The following TMEM8B variants were observed in gnomAD, a reference collection of about 807,000 sequenced individuals.
TMEM8B encodes transmembrane protein 8B, also known as nasopharyngeal carcinoma expressed 6.
TMEM8B carries 29 observed loss-of-function variants against 49.3 expected under a neutral mutation model. The ratio of observed to expected loss-of-function variants is 0.59; its 90% confidence interval spans 0.44 to 0.80. The LOEUF (loss-of-function observed/expected upper bound fraction) is 0.80, where lower values mean the gene tolerates loss of function less well. Among genes scored for constraint, TMEM8B ranks in the 30% least tolerant of loss-of-function variants. The pLI, the probability that TMEM8B is intolerant of heterozygous loss-of-function variation, is 0.00. For synonymous variants in TMEM8B, 264 were observed against 272.8 expected (o/e 0.97, Z 0.32); for missense variants, 575 against 658.5 (o/e 0.87, Z 1.39).
At chr9:35,833,210 T>G (rs970534166) in intron 1 of TMEM8B, 5 of 495,446 alleles carry the variant, frequency 1.0e-5, no homozygotes, top group Non-Finnish European at 1.3e-5. Context: ...GAGAGGGAGA[T>G]GATTGGACTA....
rs746477078 is a variant in TMEM8B at position 35,859,944 on chromosome 9, C to G, written c.*6104C>G. 1 of 152,938 alleles carries G rather than the reference C, an allele frequency of 6.5e-6. No individual in the cohort carries two copies. The highest frequency in any genetic ancestry group is 2.1e-4 in the South Asian group (1 of 4,832). 9.5% of individuals were successfully genotyped at this position (152,938 alleles called of 1,614,324 possible). A position where few individuals can be genotyped will look rare whatever the true frequency, so the allele number is the denominator to read the frequency against. On this transcript the variant is annotated 3_prime_UTR_variant, in exon 13 of 13. Transcript: ENST00000643932. ...CAGTGCTCGTGTAGCCCCATCAGGACGTATTCCGTCACAGCTGTCTGGTTT... is the reference window on the plus strand; with the variant it reads ...CAGTGCTCGTGTAGCCCCATCAGGAGGTATTCCGTCACAGCTGTCTGGTTT...
At position 35,838,883 on chromosome 9, in the gene TMEM8B, G is replaced by C. The variant is rs576894795; in HGVS notation, c.907-2251G>C. Among the ~76,000 whole-genome samples the C allele has an allele frequency of 2.3e-3, 357 of 152,298 alleles. 3 individuals carry two copies. Among genetic ancestry groups the C allele is most frequent in the African/African-American group, 8.1e-3 (338 of 41,548 alleles). On this transcript the variant is annotated intron_variant, in intron 3 of 12. Transcript: ENST00000643932. ...AAAAAGTCTTGTTGACGCTACTTCT[G>C]AGGCATGCCCTGAAGGCTTCTCCAG...
chr9:35,838,419 T>C (rs1830650872), intron 3 of TMEM8B, among the ~76,000 whole-genome samples: 1 of 151,904 alleles, frequency 6.6e-6, no homozygotes, highest in East Asian at 1.9e-4. Flanking sequence ...TTTCCTGGCC[T>C]CTCCTCTGCT....
At position 35,846,932 on chromosome 9, in the gene TMEM8B, G is replaced by T. The variant is rs1192354030; in HGVS notation, c.2112G>T (p.Leu704=). The change falls in exon 10 of 13, where the codon CTG becomes CTT. Residue 704 remains leucine, a synonymous_variant. Coordinates refer to ENST00000643932, the MANE Select transcript of TMEM8B (RefSeq NM_001042590.4). Reference sequence around the variant, plus strand: ...TCATGTTTCTGCCACCTGTGGTCCTGGCCATTCGGAGTCGATATGTGCTGG... The same window carrying T: ...TCATGTTTCTGCCACCTGTGGTCCTTGCCATTCGGAGTCGATATGTGCTGG... ...SNLMFLPPVV[L]AIRSRYVLEA... 5.6e-6 allele frequency: 9 copies of T among 1,614,216 alleles called. No individual in the cohort carries two copies. The highest frequency in any genetic ancestry group is 7.6e-6 in the Non-Finnish European group (9 of 1,180,042).
At position 35,845,493 on chromosome 9, in the gene TMEM8B, G is replaced by T. The variant is rs1298505841; in HGVS notation, c.1636-482G>T. 3.0e-6 allele frequency: 3 copies of T among 985,238 alleles called. No homozygotes were observed. The African/African-American group carries it at 5.2e-5, about 17-fold the overall frequency. The allele number at this position is 985,238 out of a possible 1,614,324, so 61.0% of individuals were successfully genotyped here. Reference sequence around the variant, plus strand: ...CAGGTTGCTACATTTAATCTCTTGGGCATTCTGTTACCACTGTTCAGTACC... The same window carrying T: ...CAGGTTGCTACATTTAATCTCTTGGTCATTCTGTTACCACTGTTCAGTACC... On this transcript the variant is annotated intron_variant, in intron 6 of 12. Coordinates refer to ENST00000643932, the MANE Select transcript of TMEM8B (RefSeq NM_001042590.4).
intron 1 of TMEM8B, among the ~76,000 whole-genome samples, chr9:35,831,251 G>A (rs942821781): frequency 6.6e-6 from 1 of 152,108 alleles, no homozygotes; most frequent in Non-Finnish European, 1.5e-5. Context: ...TGTGTGTGGG[G>A]TGCATGTGAG....
In TMEM8B at chr9:35,853,162, A is replaced by G. The variant is rs1472281022; in HGVS notation, c.2344A>G (p.Met782Val). Residue 782 changes from methionine (M) to valine (V), a missense_variant, in exon 12 of 13, where the codon ATG becomes GTG. Transcript: ENST00000643932. This position sits in a 1 kb window ranked among gnomAD's most constrained non-coding sequence, Gnocchi z 4.2. ...VKQVLYLLGA[M>V]LLSMALQLDR... ...CTAGGTGCTGTATTTGCTGGGAGCTATGCTGCTGTCCATGGCTCTGCAGCT... is the reference window on the plus strand; with the variant it reads ...CTAGGTGCTGTATTTGCTGGGAGCTGTGCTGCTGTCCATGGCTCTGCAGCT... 2 of 1,614,084 alleles carry G rather than the reference A, an allele frequency of 1.2e-6. No individual in the cohort carries two copies. The highest frequency in any genetic ancestry group is 1.7e-6 in the Non-Finnish European group (2 of 1,179,952).
Position 35,852,880 on chromosome 9 carries a change from C to T in TMEM8B, c.2229C>T (p.Tyr743=), listed in dbSNP as rs367842425. The T allele has an allele frequency of 4.0e-5, 64 of 1,614,060 alleles. No homozygotes were observed. The highest frequency in any genetic ancestry group is 8.3e-5 in the Admixed American group (5 of 59,998). ...PGIVVFCIMD[Y]DVLQFCDFLG... The stretch of plus-strand genomic sequence containing the variant: ...TCGTGGTTTTCTGCATCATGGACTA[C>T]GATGTGCTGCAGTTCTGTGATTTCC... The change falls in exon 11 of 13, where the codon TAC becomes TAT. Residue 743 remains tyrosine (Y), a synonymous_variant. Transcript: ENST00000643932.
Position 35,853,467 on chromosome 9 carries a change from C to A in TMEM8B, c.2440-38C>A. The A allele has an allele frequency of 6.3e-7, 1 of 1,585,260 alleles. No individual in the cohort carries two copies. The highest frequency in any genetic ancestry group is 8.6e-7 in the Non-Finnish European group (1 of 1,167,230). ...ACCAGCTCTGGCTTGGGTTCCAGGG[C>A]TTGGCATTCCTGAGCCCCACTTCTC... On this transcript the variant is annotated intron_variant, in intron 12 of 12. Transcript: ENST00000643932. This position sits in a 1 kb window ranked among gnomAD's most constrained non-coding sequence, Gnocchi z 4.2.
In TMEM8B at chr9:35,852,831, A is replaced by G. The variant is rs1394199094; in HGVS notation, c.2180A>G (p.Tyr727Cys). ...YTFTMFFSTFYHACDQPGIVV... is the reference protein window; with the variant it reads ...YTFTMFFSTFCHACDQPGIVV... ...GCCTGTCATTTCTTCCTTCAGTTCT[A>G]TCATGCCTGTGACCAGCCAGGCATC... The change falls in exon 11 of 13, where the codon TAT (tyrosine) becomes TGT (cysteine). Residue 727 changes from tyrosine to cysteine, a missense_variant. Coordinates refer to ENST00000643932, the MANE Select transcript of TMEM8B (RefSeq NM_001042590.4). 6.2e-6 allele frequency: 10 copies of G among 1,613,940 alleles called. No individual in the cohort carries two copies. Among genetic ancestry groups the G allele is most frequent in the African/African-American group, 2.7e-5 (2 of 74,878 alleles).
chr9:35,846,484 C>G lies in TMEM8B; in HGVS notation c.1869C>G (p.Arg623=). The part of the protein sequence containing the change: ...CGVGPRFVRC[R]NATAEVRMRT... ...TTGTGCGCAGGTTCGTGCGGTGCCGCAACGCGACGGCCGAGGTGCGGATGC... is the reference window on the plus strand; with the variant it reads ...TTGTGCGCAGGTTCGTGCGGTGCCGGAACGCGACGGCCGAGGTGCGGATGC... Residue 623 remains arginine (R), a synonymous_variant, in exon 9 of 13, where the codon CGC becomes CGG. Coordinates refer to ENST00000643932, the MANE Select transcript of TMEM8B (RefSeq NM_001042590.4). 6.3e-7 allele frequency: 1 copy of G among 1,599,534 alleles called. No homozygotes were observed. The highest frequency in any genetic ancestry group is 1.1e-5 in the South Asian group (1 of 89,462).
rs1026757123 is a variant in TMEM8B, at chr9:35,859,498, C to G, written c.*5658C>G. The G allele has an allele frequency of 6.5e-6, 1 of 153,680 alleles. No homozygotes were observed. The highest frequency in any genetic ancestry group is 2.4e-5 in the African/African-American group (1 of 41,442). The allele number at this position is 153,680 out of a possible 1,614,324, so 9.5% of individuals were successfully genotyped here. A position where few individuals can be genotyped will look rare whatever the true frequency, so the allele number is the denominator to read the frequency against. ...TGGCCACAGAAGGGGAGGTGCCAGA[C>G]AAGGATGGACTGTAGCAGTGAGTTG... On this transcript the variant is annotated 3_prime_UTR_variant, in exon 13 of 13. Coordinates refer to ENST00000643932, the MANE Select transcript of TMEM8B (RefSeq NM_001042590.4).
intron 6 of TMEM8B, among the ~76,000 whole-genome samples, chr9:35,843,239 T>C (rs1006698998): frequency 2.6e-5 from 4 of 152,236 alleles, no homozygotes; most frequent in African/African-American, 9.6e-5. Flanking sequence ...TAATTTTTTT[T>C]AGAGCAGTTT....
chr9:35,831,132 C>T (rs1829851808), intron 1 of TMEM8B, among the ~76,000 whole-genome samples: 1 of 152,224 alleles, frequency 6.6e-6, no homozygotes, highest in Admixed American at 6.5e-5. Context: ...AAGGTCACAA[C>T]CCCTGCAGAG....
chr9:35,838,086 G>A (rs971600777), intron 3 of TMEM8B, among the ~76,000 whole-genome samples: 7 of 152,166 alleles, frequency 4.6e-5, no homozygotes, highest in Non-Finnish European at 7.3e-5. Context: ...AGGACCACAC[G>A]TGACTCAATA....
chr9:35,854,432 G>A lies in TMEM8B; in HGVS notation c.*592G>A, dbSNP rs1318657618. ...TCCAGTGATTGATTGGTTCAGAATG[G>A]TTCTGTGATGCCTTTTTTCCCCCTG... is the stretch of plus-strand genomic sequence containing the variant. On this transcript the variant is annotated 3_prime_UTR_variant, in exon 13 of 13. Coordinates refer to ENST00000643932, the MANE Select transcript of TMEM8B (RefSeq NM_001042590.4). 6.6e-6 allele frequency: 1 copy of A among 152,632 alleles called. No individual in the cohort carries two copies. The highest frequency in any genetic ancestry group is 1.9e-4 in the East Asian group (1 of 5,180). 9.5% of individuals were successfully genotyped at this position (152,632 alleles called of 1,614,324 possible). A position where few individuals can be genotyped will look rare whatever the true frequency, so the allele number is the denominator to read the frequency against.
chr9:35,852,711 A>G (rs1382362204), intron 10 of TMEM8B, 116 bp from the exon 11 acceptor site: 2 of 1,211,924 alleles, frequency 1.7e-6, no homozygotes, highest in Non-Finnish European at 2.4e-6. Flanking sequence ...CTCATCTGTG[A>G]CCTTTCACCT....
At position 35,853,966 on chromosome 9, in the gene TMEM8B, C is replaced by T. The variant is rs1832393888; in HGVS notation, c.*126C>T. 1 of 1,381,990 alleles carries T rather than the reference C, an allele frequency of 7.2e-7. No individual in the cohort carries two copies. The highest frequency in any genetic ancestry group is 1.5e-5 in the African/African-American group (1 of 68,570). The allele number at this position is 1,381,990 out of a possible 1,614,324, so 85.6% of individuals were successfully genotyped here. A position where few individuals can be genotyped will look rare whatever the true frequency, so the allele number is the denominator to read the frequency against. ...GGACATGGAGTCTTTCTCAAGGACACAAAACTCTTCCAGGGACCTGGAGCC... is the reference window on the plus strand; with the variant it reads ...GGACATGGAGTCTTTCTCAAGGACATAAAACTCTTCCAGGGACCTGGAGCC... On this transcript the variant is annotated 3_prime_UTR_variant, in exon 13 of 13. Coordinates refer to ENST00000643932, the MANE Select transcript of TMEM8B (RefSeq NM_001042590.4). This position sits in a 1 kb window ranked among gnomAD's most constrained non-coding sequence, Gnocchi z 4.2.
rs1832511247 is a variant in TMEM8B, at chr9:35,855,764, A to T, written c.*1924A>T. 6.6e-6 allele frequency: 1 copy of T among 152,202 alleles called. No individual in the cohort carries two copies. The highest frequency in any genetic ancestry group is 1.5e-5 in the Non-Finnish European group (1 of 68,066). 9.4% of individuals were successfully genotyped at this position (152,202 alleles called of 1,614,324 possible). On this transcript the variant is annotated 3_prime_UTR_variant, in exon 13 of 13. Transcript: ENST00000643932. Reference sequence around the variant, plus strand: ...CAGGACCTAGGCTTTTGAAACCCAAAAGCCAGGAAAACATGCCTTTGTTAT... The same window carrying T: ...CAGGACCTAGGCTTTTGAAACCCAATAGCCAGGAAAACATGCCTTTGTTAT...
Sources: gnomAD v4.1 joint callset for allele counts (sites outside exome capture counted in the v4.1 genomes callset) on GRCh38, gnomAD v4.1.1 for gene constraint, Gnocchi (gnomAD v3.1) non-coding constraint, MANE v1.5 for transcripts, NCBI Gene and HGNC (gene_info 2026-07-23, HGNC 2026-07-21) for gene names.